The following DENND4C variants were observed in gnomAD, a reference collection of about 807,000 sequenced individuals.
The protein encoded by DENND4C is DENN domain-containing protein 4C.
In DENND4C, 108 loss-of-function variants were observed where a neutral mutation model predicts 203.0. The ratio of observed to expected loss-of-function variants is 0.53; its 90% CI spans 0.46 to 0.62. DENND4C has a LOEUF of 0.62. Among genes scored for constraint, DENND4C ranks in the 20% least tolerant of loss-of-function variants. The probability of loss-of-function intolerance (pLI) is 0.00; values close to 1 mark genes in which losing one functional copy is unlikely to be tolerated. For synonymous variants in DENND4C, 871 were observed against 792.4 expected (o/e 1.10, Z -1.67); for missense variants, 2,481 against 2,301.2 (o/e 1.08, Z -1.60).
intron 1 of DENND4C, 137 bp downstream of exon 1, chr9:19,230,970 C>A (rs1820378982): frequency 6.6e-6 from 1 of 152,420 alleles, no homozygotes; most frequent in African/African-American, 2.4e-5. Flanking sequence ...CGCGGGGGGT[C>A]GCCGAGGAGG....
Position 19,341,037 on chromosome 9 carries a change from A to G in DENND4C, c.2927A>G (p.Lys976Arg), listed in dbSNP as rs1289647121. 6.2e-6 allele frequency: 10 copies of G among 1,613,132 alleles called. No homozygotes were observed. In the East Asian group the frequency reaches 2.2e-4, roughly 36 times the overall value. ...TACGGGTCTAAGGATGAACTTATAA[A>G]GGATGATGCAGAAATTCATGTGCCT... ...QGYGSKDELI[K>R]DDAEIHVPEE... Residue 976 changes from lysine to arginine, a missense_variant, in exon 21 of 33, where the codon AAG becomes AGG. Lys to Arg is a conservative substitution (Grantham distance 26). Around this residue, in one of 3 missense-constraint regions of DENND4C, gnomAD observed 2,289 missense variants for 2,113.3 expected, o/e 1.08. Transcript: ENST00000434457.
chr9:19,346,489 G>A lies in DENND4C; in HGVS notation c.3720G>A (p.Val1240=). ...GTAGTTTATATGGTATTGCTAAGGT[G>A]GTTCAGAGGGAAGATGTTGAAACTG... The part of the protein sequence containing the change: ...KRSSLYGIAK[V]VQREDVETGL... Residue 1240 remains valine, a synonymous_variant, in exon 23 of 33, where the codon GTG becomes GTA. Coordinates refer to ENST00000434457, the MANE Select transcript of DENND4C (RefSeq NM_001330640.2). 1 of 1,614,144 alleles carries A rather than the reference G, an allele frequency of 6.2e-7. No homozygotes were observed. Among genetic ancestry groups the A allele is most frequent in the Non-Finnish European group, 8.5e-7 (1 of 1,180,032 alleles).
chr9:19,295,669 C>CAAAAAA (rs1173472125), intron 5 of DENND4C, among the ~76,000 whole-genome samples: 4 of 72,496 alleles, frequency 5.5e-5, no homozygotes, highest in Admixed American at 1.7e-4. Flanking sequence ...GACTCCATCT[C>CAAAAAA]AAAAAAAAAA....
chr9:19,263,523 A>G (rs1409804853), intron 1 of DENND4C, among the ~76,000 whole-genome samples: 2 of 151,354 alleles, frequency 1.3e-5, no homozygotes, highest in Admixed American at 6.6e-5. Context: ...TGCCCTGCTA[A>G]TTTTTTTGTG....
At chr9:19,278,991 T>G (rs1160164705) in intron 2 of DENND4C, among the ~76,000 whole-genome samples, 2 of 152,250 alleles carry the variant, frequency 1.3e-5, no homozygotes, top group African/African-American at 2.4e-5. Flanking sequence ...ACTCAGAAAC[T>G]TAGGCACTAT....
intron 1 of DENND4C, among the ~76,000 whole-genome samples, chr9:19,272,280 C>T (rs962833615): frequency 4.0e-5 from 6 of 151,224 alleles, no homozygotes; most frequent in South Asian, 2.1e-4. Flanking sequence ...ATTAGCCAGG[C>T]GTGGTGGGAC....
rs1408294827 is a variant in DENND4C, at chr9:19,346,684, C to T, written c.3915C>T (p.His1305=). ...LGSKSSSMEL[H]REENRESGMT... is the part of the protein sequence containing the mutation. Reference sequence around the variant, plus strand: ...GTAAATCTTCTAGTATGGAATTACACAGAGAGGAAAACAGAGAGTCTGGCA... The same window carrying T: ...GTAAATCTTCTAGTATGGAATTACATAGAGAGGAAAACAGAGAGTCTGGCA... Residue 1305 remains histidine, a synonymous_variant, in exon 23 of 33, where the codon CAC becomes CAT. Coordinates refer to ENST00000434457, the MANE Select transcript of DENND4C (RefSeq NM_001330640.2). 6.2e-7 allele frequency: 1 copy of T among 1,614,106 alleles called. No homozygotes were observed. The highest frequency in any genetic ancestry group is 1.1e-5 in the South Asian group (1 of 91,084).
At chr9:19,331,249 C>G (rs1588935783) in intron 16 of DENND4C, among the ~76,000 whole-genome samples, 1 of 150,388 alleles carries the variant, frequency 6.6e-6, no homozygotes, top group South Asian at 2.1e-4. Flanking sequence ...TGTCGCCAGG[C>G]TGGAGTGCAG....
At position 19,358,265 on chromosome 9, in the gene DENND4C, G is replaced by A; in HGVS notation, c.5160+105G>A. 2.1e-6 allele frequency: 2 copies of A among 934,294 alleles called. No individual in the cohort carries two copies. Among genetic ancestry groups the A allele is most frequent in the Non-Finnish European group, 3.0e-6 (2 of 667,020 alleles). The allele number at this position is 934,294 out of a possible 1,614,324, so 57.9% of individuals were successfully genotyped here. A position where few individuals can be genotyped will look rare whatever the true frequency, so the allele number is the denominator to read the frequency against. The stretch of plus-strand genomic sequence containing the variant: ...TGGACTTATTTTAATTACATGAAAA[G>A]TGATAGAGTTTTTCCATAAACAAAT... On this transcript the variant is annotated intron_variant, in intron 28 of 32. Transcript: ENST00000434457. The surrounding 1 kb of genome is among the most constrained non-coding windows in gnomAD (Gnocchi z 4.8).
rs1442134228 is a variant in DENND4C, at chr9:19,357,080, C to T, written c.4890C>T (p.Asp1630=). Residue 1630 remains aspartate, a synonymous_variant, in exon 27 of 33, where the codon GAC becomes GAT. Transcript: ENST00000434457. ...CTGTATCCAGTTTAGCAGAACCTGA[C>T]TTGATCAACTTTATGGACTTCCCAA... The part of the protein sequence containing the change: ...HKPVSSLAEP[D]LINFMDFPKH... 2 of 1,613,956 alleles carry T rather than the reference C, an allele frequency of 1.2e-6. No individual in the cohort carries two copies. Among genetic ancestry groups the T allele is most frequent in the Non-Finnish European group, 8.5e-7 (1 of 1,179,900 alleles).
At chr9:19,236,437 A>G (rs1389180754) in intron 1 of DENND4C, among the ~76,000 whole-genome samples, 3 of 152,234 alleles carry the variant, frequency 2.0e-5, no homozygotes, top group East Asian at 1.9e-4. Context: ...TTAATATGCA[A>G]GTAATTTAGA....
rs1350534704 is a variant in DENND4C at position 19,305,524 on chromosome 9, A to T, written c.1484A>T (p.Tyr495Phe). 3.7e-6 allele frequency: 6 copies of T among 1,610,840 alleles called. No individual in the cohort carries two copies. The highest frequency in any genetic ancestry group is 5.1e-6 in the Non-Finnish European group (6 of 1,179,506). ...VCIDLDTNMLYVSDEKKNMNW... is the reference protein window; with the variant it reads ...VCIDLDTNMLFVSDEKKNMNW... ...ATTGACTTGGATACGAACATGTTAT[A>T]TGTGTAAGTTGATTCATTTTATATT... Residue 495 changes from tyrosine (Y) to phenylalanine (F), a missense_variant, in exon 10 of 33, where the codon TAT becomes TTT. Tyr to Phe is a conservative substitution (Grantham distance 22). Transcript: ENST00000434457.
At chr9:19,296,714 T>G (rs1379302374) in intron 6 of DENND4C, among the ~76,000 whole-genome samples, 2 of 152,082 alleles carry the variant, frequency 1.3e-5, no homozygotes, top group Non-Finnish European at 2.9e-5. Context: ...AGTGGTAAGG[T>G]TGGCCAAATA....
At chr9:19,264,660 C>T (rs1268062829) in intron 1 of DENND4C, among the ~76,000 whole-genome samples, 1 of 152,090 alleles carries the variant, frequency 6.6e-6, no homozygotes, top group Non-Finnish European at 1.5e-5. Flanking sequence ...AATGTCTCAT[C>T]TCTGATCTTA....
In DENND4C at chr9:19,342,748, A is replaced by T. The variant is rs1213728987; in HGVS notation, c.3120A>T (p.Ile1040=). The change falls in exon 22 of 33, where the codon ATA becomes ATT. Residue 1040 remains isoleucine (I), a synonymous_variant. Coordinates refer to ENST00000434457, the MANE Select transcript of DENND4C (RefSeq NM_001330640.2). The part of the protein sequence containing the change: ...GSSIVKVPSG[I]FDVNSRKSST... ...GTATTGTGAAAGTTCCGTCTGGTAT[A>T]TTTGATGTCAACAGCAGGAAAAGTA... 6.2e-7 allele frequency: 1 copy of T among 1,609,222 alleles called. No individual in the cohort carries two copies.
At chr9:19,268,689 T>C (rs899656529) in intron 1 of DENND4C, among the ~76,000 whole-genome samples, 5 of 152,164 alleles carry the variant, frequency 3.3e-5, no homozygotes, top group African/African-American at 1.2e-4. Context: ...TTGAAGGATA[T>C]TTTCAGTGGA....
chr9:19,277,691 AT>A (rs1564111906), intron 2 of DENND4C, among the ~76,000 whole-genome samples: 4 of 151,960 alleles, frequency 2.6e-5, no homozygotes, highest in Non-Finnish European at 5.9e-5. Context: ...AACTTTTAGT[AT>A]GTTGAATAGC....
rs186924026 is a variant in DENND4C, at chr9:19,236,754, G to T, written c.-18+5921G>T. 4.6e-4 allele frequency among the ~76,000 whole-genome samples: 70 copies of T among 152,246 alleles called. No homozygotes were observed. In the East Asian group the frequency reaches 0.011, roughly 24 times the overall value. On this transcript the variant is annotated intron_variant, in intron 1 of 32. Transcript: ENST00000434457. ...ACATTTCCTGTGGCCCACAGGCCAT[G>T]TCGCTTTAGCCTTATCTTCTTGCCC...
intron 22 of DENND4C, 115 bp downstream of exon 22, chr9:19,342,894 GA>G (rs1245842834): frequency 5.9e-6 from 5 of 845,832 alleles, no homozygotes; most frequent in Non-Finnish European, 8.2e-6. Flanking sequence ...TAAAGAGCCA[GA>G]AGGGACTTTT....
Sources: gnomAD v4.1 joint callset for allele counts (sites outside exome capture counted in the v4.1 genomes callset) on GRCh38, gnomAD v4.1.1 for gene constraint, gnomAD v4.1.1 regional missense constraint, Gnocchi (gnomAD v3.1) non-coding constraint, MANE v1.5 for transcripts, NCBI Gene and HGNC (gene_info 2026-07-23, HGNC 2026-07-21) for gene names.